Variants in CACNA1H observed in about 807,000 individuals in gnomAD.
The protein encoded by CACNA1H is voltage-dependent T-type calcium channel subunit alpha-1H.
A neutral mutation model predicts 192.5 loss-of-function variants in CACNA1H; 149 were observed. The ratio of observed to expected loss-of-function variants is 0.77; its 90% CI spans 0.68 to 0.89. The LOEUF is 0.89. Ranked by LOEUF, CACNA1H falls within the 40% of genes least tolerant of loss-of-function variation. CACNA1H has a pLI of 0.00. For missense variants in CACNA1H, 4,257 were observed against 3,423.5 expected, an observed-to-expected ratio of 1.24 and a Z score of -6.08; for synonymous variants, 2,202 against 1,475.2, an observed-to-expected ratio of 1.49 and a Z score of -11.29.
At chr16:1,207,572 C>A in intron 14 of CACNA1H, 142 bp downstream of exon 14, 2 of 1,073,582 alleles carry the variant, frequency 1.9e-6, no homozygotes, top group African/African-American at 1.6e-5. Context: ...AGAGGGGAGG[C>A]CAGGAGCCCA....
At chr16:1,155,839 C>T (rs1962288742) in intron 2 of CACNA1H, among the ~76,000 whole-genome samples, 1 of 152,146 alleles carries the variant, frequency 6.6e-6, no homozygotes, top group African/African-American at 2.4e-5. Flanking sequence ...ATGAGCTCTC[C>T]AGGGGGAGAG....
chr16:1,195,677 C>T, intron 4 of CACNA1H, 112 bp downstream of exon 4: 2 of 1,240,824 alleles, frequency 1.6e-6, no homozygotes, highest in South Asian at 1.4e-5. Context: ...CTAGAGGGAT[C>T]CAGGTAGAGC....
intron 33 of CACNA1H, 92 bp from the exon 34 acceptor site, chr16:1,218,878 G>T: frequency 7.7e-7 from 1 of 1,296,570 alleles, no homozygotes; most frequent in Non-Finnish European, 1.1e-6. Context: ...CAGGAAGGAG[G>T]ATGGTGGCAG....
chr16:1,210,338 G>GCCCC, intron 18 of CACNA1H, 32 bp from the exon 19 acceptor site: 3 of 296,992 alleles, frequency 1.0e-5, no homozygotes, highest in East Asian at 8.6e-5. Context: ...ACGCCGCCCC[G>GCCCC]CCCCACCTCT....
rs746155777 is a variant in CACNA1H, at chr16:1,198,625, C to G, written c.654C>G (p.Ile218Met). The G allele has an allele frequency of 1.2e-6, 2 of 1,613,084 alleles. No homozygotes were observed. The highest frequency in any genetic ancestry group is 1.7e-6 in the Non-Finnish European group (2 of 1,179,608). The change falls in exon 6 of 35, where the codon ATC becomes ATG. Residue 218 changes from isoleucine to methionine, a missense_variant. Transcript: ENST00000348261. ...RAINRVPSMR[I>M]LVTLLLDTLP... ...CCCTGCTGCCCACAGGCATGCGGAT[C>G]CTGGTCACTCTGCTGCTGGATACGC...
chr16:1,156,487 A>G (rs1191121541), intron 2 of CACNA1H, among the ~76,000 whole-genome samples: 5 of 152,010 alleles, frequency 3.3e-5, no homozygotes, highest in African/African-American at 1.2e-4. Context: ...GAGGCTTTCC[A>G]GAGCGCTTCA....
chr16:1,169,589 G>A (rs530926726), intron 2 of CACNA1H, among the ~76,000 whole-genome samples: 7 of 152,328 alleles, frequency 4.6e-5, no homozygotes, highest in South Asian at 2.1e-4. Context: ...TGTGCGGGCC[G>A]TGCTTTCGCC....
chr16:1,188,855 G>A (rs1966322537), intron 2 of CACNA1H, among the ~76,000 whole-genome samples: 1 of 152,194 alleles, frequency 6.6e-6, no homozygotes, highest in African/African-American at 2.4e-5. Flanking sequence ...TCCAGGACAG[G>A]CCCAGGCGAG....
chr16:1,204,523 G>A, intron 10 of CACNA1H, 65 bp downstream of exon 10: 1 of 1,332,530 alleles, frequency 7.5e-7, no homozygotes, highest in South Asian at 1.4e-5. Context: ...GGAGTCTCAG[G>A]AGGCTTCCAG....
At chr16:1,187,594 C>G (rs1258515830) in intron 2 of CACNA1H, among the ~76,000 whole-genome samples, 1 of 152,222 alleles carries the variant, frequency 6.6e-6, no homozygotes, top group African/African-American at 2.4e-5. Context: ...CCCAGCCTCC[C>G]GATCCTCCCA....
chr16:1,165,636 A>T (rs1963685730), intron 2 of CACNA1H, among the ~76,000 whole-genome samples: 1 of 152,146 alleles, frequency 6.6e-6, no homozygotes, highest in Non-Finnish European at 1.5e-5. Context: ...CGCCAGGCAC[A>T]GCTGCGTCCC....
intron 2 of CACNA1H, among the ~76,000 whole-genome samples, chr16:1,186,418 C>T (rs1054325354): frequency 6.6e-6 from 1 of 152,062 alleles, no homozygotes; most frequent in Admixed American, 6.5e-5. Flanking sequence ...CCTGGATTCG[C>T]CGTGCAGAAA....
chr16:1,158,909 C>T (rs944773774), intron 2 of CACNA1H, among the ~76,000 whole-genome samples: 3 of 152,156 alleles, frequency 2.0e-5, no homozygotes, highest in Admixed American at 1.3e-4. Flanking sequence ...CCCCTGGCCC[C>T]GCAGAGCCCC....
At chr16:1,219,458 C>T (rs1050198813) in intron 34 of CACNA1H, among the ~76,000 whole-genome samples, 3 of 152,088 alleles carry the variant, frequency 2.0e-5, no homozygotes, top group African/African-American at 4.8e-5. Context: ...CCAGGGCCCA[C>T]GGCGGGCAGA....
rs1969924224 is a variant in CACNA1H, at chr16:1,215,322, T to C, written c.5120T>C (p.Leu1707Pro). 6.2e-7 allele frequency: 1 copy of C among 1,611,540 alleles called. No homozygotes were observed. The highest frequency in any genetic ancestry group is 8.5e-7 in the Non-Finnish European group (1 of 1,179,340). Residue 1707 changes from leucine (L) to proline (P), a missense_variant, in exon 29 of 35, where the codon CTG (leucine) becomes CCG (proline). By Grantham distance (98) the Leu-to-Pro change is moderately conservative. Coordinates refer to ENST00000348261, the MANE Select transcript of CACNA1H (RefSeq NM_021098.3). ...GAGGAGATAGAGATGAGCGCCGCGCTGCCCATCAACCCCACCATCATCCGC... is the reference window on the plus strand; with the variant it reads ...GAGGAGATAGAGATGAGCGCCGCGCCGCCCATCAACCCCACCATCATCCGC... ...TLEEIEMSAA[L>P]PINPTIIRIM...
Position 1,221,281 on chromosome 16 carries a change from T to C in CACNA1H, c.*287T>C. Reference sequence around the variant, plus strand: ...CTCCCGTCAGGAGAGAAGCCGCGTCTGTGGGACGAAGACCGGGCACCCGCC... The same window carrying C: ...CTCCCGTCAGGAGAGAAGCCGCGTCCGTGGGACGAAGACCGGGCACCCGCC... On this transcript the variant is annotated 3_prime_UTR_variant, in exon 35 of 35. Transcript: ENST00000348261. 1 of 433,614 alleles carries C rather than the reference T, an allele frequency of 2.3e-6. No homozygotes were observed. The highest frequency in any genetic ancestry group is 4.1e-6 in the Non-Finnish European group (1 of 246,274). 26.9% of individuals were successfully genotyped at this position (433,614 alleles called of 1,614,324 possible).
chr16:1,195,905 C>G (rs977100988), intron 4 of CACNA1H, 21 bp from the exon 5 acceptor site: 7 of 1,594,192 alleles, frequency 4.4e-6, no homozygotes, highest in Non-Finnish European at 6.0e-6. Context: ...TTGAGCTGCT[C>G]CCCCTCGGCC....
chr16:1,165,385 C>T (rs554686717), intron 2 of CACNA1H, among the ~76,000 whole-genome samples: 1 of 152,328 alleles, frequency 6.6e-6, no homozygotes, highest in Non-Finnish European at 1.5e-5. Context: ...TTCGTGACAG[C>T]ACAGAGTTTT....
At position 1,210,350 on chromosome 16, in the gene CACNA1H, A is replaced by ACCCCCCC; in HGVS notation, c.3846-17_3846-16insCCCCCCC. On this transcript the variant is annotated intron_variant, in intron 18 of 34. Transcript: ENST00000348261. ...TCCACGCCGCCCCGCCCCACCTCTC[A>ACCCCCCC]CCCGCCCCCGCCCACCCAGGTTCCG... 6 of 313,940 alleles carry ACCCCCCC rather than the reference A, an allele frequency of 1.9e-5. No individual in the cohort carries two copies. Among genetic ancestry groups the ACCCCCCC allele is most frequent in the South Asian group, 1.1e-4 (3 of 26,200 alleles). The allele number at this position is 313,940 out of a possible 1,614,324, so 19.4% of individuals were successfully genotyped here. A position where few individuals can be genotyped will look rare whatever the true frequency, so the allele number is the denominator to read the frequency against.
Sources: allele counts gnomAD v4.1 joint callset (sites outside exome capture counted in the v4.1 genomes callset), GRCh38; gene constraint gnomAD v4.1.1; transcripts MANE v1.5; gene names NCBI Gene and HGNC (gene_info 2026-07-23, HGNC 2026-07-21).